EMP2: variants seen among roughly 807,000 people sequenced by gnomAD.
EMP2 encodes epithelial membrane protein 2.
A neutral mutation model predicts 13.7 loss-of-function variants in EMP2; 19 were observed. The observed-to-expected ratio is 1.38, with a 90% CI of 0.97 to 2.03. The LOEUF (loss-of-function observed/expected upper bound fraction) is 2.03. Ranked by LOEUF, EMP2 falls within the 30% of genes most tolerant of loss-of-function variation. The pLI is 0.00. For synonymous variants in EMP2, 97 were observed against 84.7 expected (o/e 1.15, Z -0.80); for missense variants, 253 against 220.7 (o/e 1.15, Z -0.93).
intron 1 of EMP2, among the ~76,000 whole-genome samples, chr16:10,573,532 T>G (rs1363057409): frequency 1.3e-5 from 2 of 152,226 alleles, no homozygotes; most frequent in African/African-American, 2.4e-5. Context: ...ATGGAGTCTC[T>G]GACCCCCCAC....
In EMP2 at chr16:10,530,849, A is replaced by T. The variant is rs939098991; in HGVS notation, c.*2056T>A. On this transcript the variant is annotated 3_prime_UTR_variant, in exon 5 of 5. Transcript: ENST00000359543. ...TTACACAGACAGGTACTGCCCAATA[A>T]CTGTCATCTGCACGAACTGAATGGA... 1 of 152,124 alleles carries T rather than the reference A, an allele frequency of 6.6e-6. No homozygotes were observed. The highest frequency in any genetic ancestry group is 2.4e-5 in the African/African-American group (1 of 41,416). 9.4% of individuals were successfully genotyped at this position (152,124 alleles called of 1,614,324 possible).
At chr16:10,576,360 A>G (rs2050984081) in intron 1 of EMP2, 2 of 152,174 alleles carry the variant, frequency 1.3e-5, no homozygotes, top group African/African-American at 4.8e-5. Flanking sequence ...TTGAGGAAAG[A>G]CAGTTCAGAG....
chr16:10,571,196 G>A (rs1239519839), intron 1 of EMP2, among the ~76,000 whole-genome samples: 1 of 144,766 alleles, frequency 6.9e-6, no homozygotes, highest in African/African-American at 2.5e-5. Flanking sequence ...GTCGGCGGCT[G>A]CAGTGAGCTG....
rs748732742 is a variant in EMP2, at chr16:10,579,738, A to ACACC, written c.-61+810_-61+811insGGTG. Among the ~76,000 whole-genome samples the ACACC allele has an allele frequency of 4.2e-3, 617 of 145,198 alleles. 14 individuals carry two copies. Among genetic ancestry groups the ACACC allele is most frequent in the Admixed American group, 0.037 (524 of 14,314 alleles). ...CACACACACACACACACACACACAC[A>ACACC]CCCTCAAAGCTTGGGAGGGGCAGTG... is the stretch of plus-strand genomic sequence containing the variant. On this transcript the variant is annotated intron_variant, in intron 1 of 4. Transcript: ENST00000359543.
intron 3 of EMP2, among the ~76,000 whole-genome samples, chr16:10,539,271 A>G (rs1173718496): frequency 3.3e-5 from 5 of 151,930 alleles, no homozygotes; most frequent in Admixed American, 6.6e-5. Flanking sequence ...TTTTCCTTCA[A>G]TTTTGCAGTT....
At chr16:10,555,414 T>G (rs532152196) in intron 1 of EMP2, among the ~76,000 whole-genome samples, 12 of 152,300 alleles carry the variant, frequency 7.9e-5, no homozygotes, top group African/African-American at 2.9e-4. Flanking sequence ...CTAGATGAAG[T>G]GTTCAAGTTT....
chr16:10,576,068 C>CT (rs1567212097), intron 1 of EMP2, among the ~76,000 whole-genome samples: 1 of 152,078 alleles, frequency 6.6e-6, no homozygotes, highest in African/African-American at 2.4e-5. Flanking sequence ...TAACTAAATT[C>CT]TTTGAGTATC....
chr16:10,543,087 C>T (rs2050713153), intron 3 of EMP2, among the ~76,000 whole-genome samples: 2 of 152,204 alleles, frequency 1.3e-5, no homozygotes, highest in African/African-American at 2.4e-5. Context: ...CTCAAGTGAT[C>T]CATCCGCCTC....
At chr16:10,550,238 G>A (rs544247932) in intron 1 of EMP2, among the ~76,000 whole-genome samples, 22 of 152,028 alleles carry the variant, frequency 1.4e-4, no homozygotes, top group Admixed American at 4.6e-4. Flanking sequence ...GAAATTTAAC[G>A]TGATACAATA....
intron 4 of EMP2, 31 bp downstream of exon 4, chr16:10,537,897 C>A (rs769567504): frequency 6.2e-7 from 1 of 1,607,592 alleles, no homozygotes; most frequent in South Asian, 1.1e-5. Flanking sequence ...CCAGAAAGCC[C>A]CTTGTTAGGG....
intron 2 of EMP2, among the ~76,000 whole-genome samples, chr16:10,543,987 G>A (rs1287641037): frequency 1.3e-5 from 2 of 151,970 alleles, no homozygotes; most frequent in African/African-American, 2.4e-5. Flanking sequence ...AGCCTCCTGA[G>A]TATCTGGGAC....
intron 4 of EMP2, among the ~76,000 whole-genome samples, chr16:10,535,322 G>A (rs573536789): frequency 6.6e-6 from 1 of 151,670 alleles, no homozygotes; most frequent in South Asian, 2.1e-4. Flanking sequence ...AAAATACGGG[G>A]GAATTTTCAT....
chr16:10,575,655 A>G (rs2050979590), intron 1 of EMP2, among the ~76,000 whole-genome samples: 1 of 152,102 alleles, frequency 6.6e-6, no homozygotes, highest in Non-Finnish European at 1.5e-5. Context: ...AGAGTTGCTT[A>G]ATAATAACCC....
chr16:10,560,748 C>G (rs2050865453), intron 1 of EMP2, among the ~76,000 whole-genome samples: 1 of 152,148 alleles, frequency 6.6e-6, no homozygotes. Context: ...AGCTGGGTCT[C>G]TAAGGATGGG....
intron 1 of EMP2, among the ~76,000 whole-genome samples, chr16:10,575,372 G>A (rs1431599687): frequency 1.4e-5 from 2 of 145,412 alleles, no homozygotes; most frequent in Admixed American, 7.2e-5. Flanking sequence ...TCCTGCCTCA[G>A]CCTCCCAAGT....
chr16:10,529,164 T>C lies in EMP2; in HGVS notation c.*3741A>G, dbSNP rs943104135. On this transcript the variant is annotated 3_prime_UTR_variant, in exon 5 of 5. Transcript: ENST00000359543. The stretch of plus-strand genomic sequence containing the variant: ...TAGCCCCTCAATGAAAGAATTACAG[T>C]ACTTTATAAAAATGTCATAAAATGC... 4 of 152,202 alleles carry C rather than the reference T, an allele frequency of 2.6e-5. No homozygotes were observed. The highest frequency in any genetic ancestry group is 9.6e-5 in the African/African-American group (4 of 41,456). 9.4% of individuals were successfully genotyped at this position (152,202 alleles called of 1,614,324 possible). A position where few individuals can be genotyped will look rare whatever the true frequency, so the allele number is the denominator to read the frequency against.
intron 1 of EMP2, among the ~76,000 whole-genome samples, chr16:10,554,585 C>T (rs1277801982): frequency 6.6e-6 from 1 of 152,150 alleles, no homozygotes; most frequent in Non-Finnish European, 1.5e-5. Flanking sequence ...ACTGGTCCAC[C>T]AAGCCCAGGG....
chr16:10,540,780 G>A (rs978869989), intron 3 of EMP2, among the ~76,000 whole-genome samples: 3 of 152,140 alleles, frequency 2.0e-5, no homozygotes, highest in African/African-American at 4.8e-5. Flanking sequence ...TAGTTTATAC[G>A]AGTGATAACA....
intron 1 of EMP2, among the ~76,000 whole-genome samples, chr16:10,548,662 C>G (rs1411714781): frequency 1.3e-5 from 2 of 151,936 alleles, no homozygotes; most frequent in African/African-American, 4.8e-5. Context: ...TCACTGCACA[C>G]TAGCCTGGGT....
Sources: gnomAD v4.1 joint callset for allele counts (sites outside exome capture counted in the v4.1 genomes callset) on GRCh38, gnomAD v4.1.1 for gene constraint, MANE v1.5 for transcripts, NCBI Gene and HGNC (gene_info 2026-07-23, HGNC 2026-07-21) for gene names.